PRKN: variants seen among roughly 807,000 people sequenced by gnomAD.
PRKN encodes E3 ubiquitin-protein ligase parkin.
In PRKN, 56 loss-of-function variants were observed where a neutral mutation model predicts 59.5. The observed-to-expected ratio is 0.94, with a 90% CI of 0.76 to 1.18. PRKN has a LOEUF of 1.18. Ranked by LOEUF, PRKN falls within the 50% of genes most tolerant of loss-of-function variation. PRKN has a pLI of 0.00. For synonymous variants in PRKN, 250 were observed against 222.1 expected, an observed-to-expected ratio of 1.13 and a Z score of -1.12; for missense variants, 657 against 596.4, an observed-to-expected ratio of 1.10 and a Z score of -1.06.
At chr6:161,504,277 C>T (rs184905970) in intron 9 of PRKN, among the ~76,000 whole-genome samples, 1 of 152,290 alleles carries the variant, frequency 6.6e-6, no homozygotes, top group African/African-American at 2.4e-5. Flanking sequence ...CAGAGCTGGG[C>T]AAGGTCTGAC....
At chr6:162,577,249 GA>G (rs34066675) in intron 1 of PRKN, among the ~76,000 whole-genome samples, 2 of 151,730 alleles carry the variant, frequency 1.3e-5, no homozygotes, top group African/African-American at 4.8e-5. Context: ...TCAATAATAG[GA>G]AAAAAATCAA....
At chr6:162,688,869 TC>T (rs1002237035) in intron 1 of PRKN, among the ~76,000 whole-genome samples, 11 of 152,050 alleles carry the variant, frequency 7.2e-5, no homozygotes, top group Non-Finnish European at 1.0e-4. Flanking sequence ...TTTACTTTTT[TC>T]CCCCCAGTTG....
At chr6:161,964,877 T>C (rs1308072496) in intron 6 of PRKN, among the ~76,000 whole-genome samples, 1 of 152,042 alleles carries the variant, frequency 6.6e-6, no homozygotes, top group East Asian at 1.9e-4. Context: ...AAGTAGCTAT[T>C]GGTAATGTCA....
intron 4 of PRKN, among the ~76,000 whole-genome samples, chr6:162,182,461 G>A (rs1460345320): frequency 6.6e-6 from 1 of 152,168 alleles, no homozygotes; most frequent in Non-Finnish European, 1.5e-5. Flanking sequence ...GAACTGGGCG[G>A]GGTGGATCTA....
intron 2 of PRKN, among the ~76,000 whole-genome samples, chr6:162,375,385 A>G (rs948493596): frequency 3.3e-5 from 5 of 151,178 alleles, no homozygotes; most frequent in Non-Finnish European, 5.9e-5. Context: ...AAGAAGATCC[A>G]TATCTGCTTA....
At chr6:162,540,232 T>G (rs916867340) in intron 1 of PRKN, among the ~76,000 whole-genome samples, 13 of 152,068 alleles carry the variant, frequency 8.5e-5, no homozygotes, top group African/African-American at 2.4e-4. Context: ...ATTTTATTTT[T>G]TATTTTTTAT....
chr6:162,529,401 G>C (rs1778415267), intron 1 of PRKN, among the ~76,000 whole-genome samples: 2 of 152,110 alleles, frequency 1.3e-5, no homozygotes, highest in South Asian at 4.1e-4. Context: ...TGCCAAAACA[G>C]AATATTGATA....
At chr6:161,774,419 CACACA>C (rs1294047652) in intron 7 of PRKN, among the ~76,000 whole-genome samples, 2 of 151,094 alleles carry the variant, frequency 1.3e-5, no homozygotes, top group African/African-American at 4.8e-5. Context: ...CACACACACA[CACACA>C]CACACACACG....
chr6:161,387,689 T>A (rs1583006034), intron 9 of PRKN, among the ~76,000 whole-genome samples: 1 of 152,338 alleles, frequency 6.6e-6, no homozygotes, highest in East Asian at 1.9e-4. Context: ...ACTTTCGTAT[T>A]AAAAGCCTAT....
At chr6:162,001,237 A>G (rs114535238) in intron 5 of PRKN, among the ~76,000 whole-genome samples, 1 of 152,086 alleles carries the variant, frequency 6.6e-6, no homozygotes, top group Admixed American at 6.6e-5. Flanking sequence ...ATTGGGAAGA[A>G]TTAACATTCT....
rs986111416 is a variant in PRKN at position 162,037,616 on chromosome 6, G to A, written c.618+16475C>T. Reference sequence around the variant, plus strand: ...GGCTGGAGTGCAGTGGCGTGATCTCGGCTCACTGCAACCCCTGCCTCCTGG... The same window carrying A: ...GGCTGGAGTGCAGTGGCGTGATCTCAGCTCACTGCAACCCCTGCCTCCTGG... On this transcript the variant is annotated intron_variant, in intron 5 of 11. Transcript: ENST00000366898. 1.1e-3 allele frequency among the ~76,000 whole-genome samples: 171 copies of A among 150,860 alleles called. 2 individuals carry two copies. Among genetic ancestry groups the A allele is most frequent in the East Asian group, 2.0e-4 (1 of 5,106 alleles).
chr6:162,235,950 G>GAAA, intron 3 of PRKN, among the ~76,000 whole-genome samples: 1 of 102,332 alleles, frequency 9.8e-6, no homozygotes, highest in East Asian at 2.4e-4. Flanking sequence ...AGGAAGGAAG[G>GAAA]AAGAAAGGAA....
rs1366592792 is a variant in PRKN at position 162,213,858 on chromosome 6, CAT to C, written c.413-12608_413-12607del. Among the ~76,000 whole-genome samples, 54 of 103,972 alleles carry C rather than the reference CAT, an allele frequency of 5.2e-4. 1 individual carries two copies. Among genetic ancestry groups the C allele is most frequent in the Middle Eastern group, 0.016 (2 of 122 alleles). 68.2% of individuals were successfully genotyped at this position (103,972 alleles called of 152,430 possible). On this transcript the variant is annotated intron_variant, in intron 3 of 11. Coordinates refer to ENST00000366898, the MANE Select transcript of PRKN (RefSeq NM_004562.3). ...ACACACACACACACACACACACACA[CAT>C]ATGAATAGTAAGAAGTAATAGAGTC...
chr6:161,999,465 G>A (rs1057432464), intron 5 of PRKN, among the ~76,000 whole-genome samples: 3 of 152,066 alleles, frequency 2.0e-5, no homozygotes, highest in Non-Finnish European at 4.4e-5. Flanking sequence ...AAAGGTGAAA[G>A]CACAAGCAGT....
chr6:161,500,734 G>T (rs1274823366), intron 9 of PRKN, among the ~76,000 whole-genome samples: 1 of 152,046 alleles, frequency 6.6e-6, no homozygotes, highest in African/African-American at 2.4e-5. Context: ...TCCCAGATTT[G>T]TCAATTATGA....
intron 5 of PRKN, among the ~76,000 whole-genome samples, chr6:162,011,146 A>AATATAGTATATT (rs1554260683): frequency 0.022 from 20 of 896 alleles, 9 homozygotes; most frequent in African/African-American, 0.19. Context: ...TATAATATAT[A>AATATAGTATATT]TTATAATATA....
At chr6:162,368,014 A>C (rs1785546623) in intron 2 of PRKN, among the ~76,000 whole-genome samples, 1 of 152,058 alleles carries the variant, frequency 6.6e-6, no homozygotes, top group African/African-American at 2.4e-5. Flanking sequence ...GAAGCAGGAG[A>C]GAGGGAAGGG....
chr6:162,529,075 T>C (rs1242711906), intron 1 of PRKN, among the ~76,000 whole-genome samples: 2 of 152,270 alleles, frequency 1.3e-5, no homozygotes, highest in South Asian at 2.1e-4. Flanking sequence ...GGTTTCACCA[T>C]GTTGGCCTGG....
At position 161,442,076 on chromosome 6, in the gene PRKN, C is replaced by T. The variant is rs552073178; in HGVS notation, c.1084-55199G>A. Among the ~76,000 whole-genome samples the T allele has an allele frequency of 5.4e-4, 83 of 152,316 alleles. No homozygotes were observed. In the Middle Eastern group the frequency reaches 0.01, roughly 19 times the overall value. ...TGTTCAGTGGGCTAATGCAGCCACA[C>T]GAGTGAGTTTTATTTTCATCCCTAC... is the stretch of plus-strand genomic sequence containing the variant. On this transcript the variant is annotated intron_variant, in intron 9 of 11. Transcript: ENST00000366898. The surrounding 1 kb of genome is among the most constrained non-coding windows in gnomAD (Gnocchi z 4.6).
Sources: allele counts gnomAD v4.1 joint callset (sites outside exome capture counted in the v4.1 genomes callset), GRCh38; gene constraint gnomAD v4.1.1; non-coding constraint Gnocchi (gnomAD v3.1); transcripts MANE v1.5; gene names NCBI Gene and HGNC (gene_info 2026-07-23, HGNC 2026-07-21).